SEC23B: variants seen among roughly 807,000 people sequenced by gnomAD.
SEC23B encodes SEC23 homolog B, COPII component.
In SEC23B, 77 loss-of-function variants were observed where a neutral mutation model predicts 104.3. That is an observed-to-expected ratio of 0.74 (90% CI 0.61 to 0.89). The LOEUF (loss-of-function observed/expected upper bound fraction) is 0.89. Ranked by LOEUF, SEC23B falls within the 40% of genes least tolerant of loss-of-function variation. The probability of loss-of-function intolerance (pLI) is 0.00; values close to 1 mark genes in which losing one functional copy is unlikely to be tolerated. For missense variants in SEC23B, 885 were observed against 949.4 expected (o/e 0.93, Z 0.89); for synonymous variants, 338 against 332.5 (o/e 1.02, Z -0.18).
chr20:18,520,331 T>C (rs1264121420), intron 4 of SEC23B, among the ~76,000 whole-genome samples: 1 of 152,122 alleles, frequency 6.6e-6, no homozygotes, highest in Non-Finnish European at 1.5e-5. Context: ...AAGCATGCCG[T>C]GGGATGGGAT....
intron 2 of SEC23B, among the ~76,000 whole-genome samples, chr20:18,511,640 CT>C (rs1230996175): frequency 7.9e-5 from 12 of 151,862 alleles, no homozygotes; most frequent in Admixed American, 7.9e-4. Context: ...ATTCTCATTG[CT>C]TTTATTTAAT....
At chr20:18,544,011 G>A (rs1424744304) in intron 14 of SEC23B, among the ~76,000 whole-genome samples, 1 of 152,138 alleles carries the variant, frequency 6.6e-6, no homozygotes, top group East Asian at 1.9e-4. Flanking sequence ...GCACTCGGGC[G>A]CCCAAAGCTG....
Position 18,526,412 on chromosome 20 carries a change from A to ATG in SEC23B, c.874_875insTG (p.Thr292MetfsTer18). 1 of 1,614,210 alleles carries ATG rather than the reference A, an allele frequency of 6.2e-7. No individual in the cohort carries two copies. The highest frequency in any genetic ancestry group is 8.5e-7 in the Non-Finnish European group (1 of 1,180,038). On this transcript the variant is annotated frameshift_variant, in exon 8 of 20. Transcript: ENST00000650089. LOFTEE classifies it high-confidence loss of function. ...CACAGGAGCCAGGATCATGCTGTTT[A>ATG]CTGGAGGTCCCCCTACCCAAGGGCC...
At chr20:18,516,248 C>T (rs78384031) in intron 4 of SEC23B, among the ~76,000 whole-genome samples, 27 of 139,036 alleles carry the variant, frequency 1.9e-4, no homozygotes, top group East Asian at 4.1e-4. Flanking sequence ...CACAGTAATT[C>T]TTTTTTTTTT....
chr20:18,544,790 A>G (rs1389978484), intron 14 of SEC23B, among the ~76,000 whole-genome samples: 2 of 152,234 alleles, frequency 1.3e-5, no homozygotes, highest in Admixed American at 6.5e-5. Flanking sequence ...TGAGACCAGC[A>G]TAGTGGCAGG....
intron 12 of SEC23B, among the ~76,000 whole-genome samples, chr20:18,537,637 A>G (rs537246347): frequency 8.0e-4 from 122 of 152,278 alleles, no homozygotes; most frequent in Non-Finnish European, 1.4e-3. Context: ...ACTAATGCTA[A>G]ATGATGAGTT....
chr20:18,514,277 G>A (rs1395722575), intron 3 of SEC23B, among the ~76,000 whole-genome samples: 2 of 152,206 alleles, frequency 1.3e-5, no homozygotes, highest in East Asian at 3.9e-4. Context: ...GCAGCTGGCT[G>A]ACTGCGTGGG....
intron 12 of SEC23B, among the ~76,000 whole-genome samples, chr20:18,536,425 G>A (rs2060231362): frequency 6.6e-6 from 1 of 152,194 alleles, no homozygotes; most frequent in African/African-American, 2.4e-5. Flanking sequence ...GGGTGCTGTG[G>A]CTCACGCCTG....
chr20:18,524,360 C>G (rs902671467), intron 4 of SEC23B, 73 bp from the exon 5 acceptor site: 6 of 1,060,026 alleles, frequency 5.7e-6, no homozygotes, highest in Non-Finnish European at 8.9e-6. Flanking sequence ...ATTTTCATAC[C>G]TAATTTGCCT....
At chr20:18,526,794 T>A (rs1384698109) in intron 8 of SEC23B, among the ~76,000 whole-genome samples, 4 of 152,224 alleles carry the variant, frequency 2.6e-5, no homozygotes, top group African/African-American at 7.2e-5. Flanking sequence ...GAAAATGATT[T>A]CCAGGCCAGT....
intron 12 of SEC23B, 31 bp from the exon 13 acceptor site, chr20:18,542,265 A>C (rs1431838187): frequency 1.3e-6 from 2 of 1,592,090 alleles, no homozygotes; most frequent in Non-Finnish European, 1.7e-6. Context: ...TGCGCCTATA[A>C]CAGACAAGGT....
At chr20:18,527,470 T>C in intron 8 of SEC23B, 26 bp from the exon 9 acceptor site, 2 of 1,333,132 alleles carry the variant, frequency 1.5e-6, no homozygotes, top group Non-Finnish European at 2.2e-6. Flanking sequence ...CACTGTTTCC[T>C]AAAGATAGCT....
Position 18,534,056 on chromosome 20 carries a change from TA to T in SEC23B, c.1314+1313del, listed in dbSNP as rs2060207874. On this transcript the variant is annotated intron_variant, in intron 11 of 19. Transcript: ENST00000650089. ...GTGATGAATTTCTATACCTACCATT[TA>T]GTCATTGATTGTTAACATTTTGCCA... 2.0e-5 allele frequency among the ~76,000 whole-genome samples: 3 copies of T among 152,334 alleles called. No individual in the cohort carries two copies. The South Asian group carries it at 6.2e-4, about 32-fold the overall frequency.
chr20:18,528,296 G>A (rs2060151964), intron 9 of SEC23B, among the ~76,000 whole-genome samples: 1 of 152,176 alleles, frequency 6.6e-6, no homozygotes, highest in Non-Finnish European at 1.5e-5. Flanking sequence ...GTTATCACCA[G>A]GGGAACTTTA....
chr20:18,527,726 C>G, intron 9 of SEC23B, 115 bp downstream of exon 9: 1 of 794,088 alleles, frequency 1.3e-6, no homozygotes, highest in East Asian at 2.4e-5. Flanking sequence ...TCAGGTAGCT[C>G]TGGGCTATGG....
intron 3 of SEC23B, 81 bp downstream of exon 3, chr20:18,512,363 G>A (rs2059989031): frequency 7.0e-6 from 6 of 861,130 alleles, no homozygotes; most frequent in Admixed American, 2.0e-5. Context: ...TTGAATTTGT[G>A]TTTACACTGG....
chr20:18,556,331 G>A (rs2060438313), intron 19 of SEC23B, among the ~76,000 whole-genome samples: 1 of 151,268 alleles, frequency 6.6e-6, no homozygotes, highest in South Asian at 2.1e-4. Flanking sequence ...TTTGTATTAG[G>A]GACTTGAGCA....
chr20:18,530,569 T>C, intron 9 of SEC23B, 111 bp from the exon 10 acceptor site: 1 of 1,270,694 alleles, frequency 7.9e-7, no homozygotes, highest in African/African-American at 1.5e-5. Flanking sequence ...AGTGGCTCTT[T>C]TGGGGACCTG....
chr20:18,548,197 C>G lies in SEC23B; in HGVS notation c.1744-412C>G, dbSNP rs575625168. On this transcript the variant is annotated intron_variant, in intron 15 of 19. Transcript: ENST00000650089. ...AACTCCCGACCTCAGGTGATCCGCC[C>G]GCCTCGGCCTCCCAAAGTGCTGGGA... 2.0e-4 allele frequency among the ~76,000 whole-genome samples: 31 copies of G among 152,146 alleles called. No individual in the cohort carries two copies. In the South Asian group the frequency reaches 2.3e-3, roughly 11 times the overall value.
Sources: allele counts gnomAD v4.1 joint callset (sites outside exome capture counted in the v4.1 genomes callset), GRCh38; gene constraint gnomAD v4.1.1; transcripts MANE v1.5; gene names NCBI Gene and HGNC (gene_info 2026-07-23, HGNC 2026-07-21).